MSH4: variants seen among roughly 807,000 people sequenced by gnomAD.
MSH4 encodes the protein mutS protein homolog 4.
In MSH4, 106 loss-of-function variants were observed where a neutral mutation model predicts 113.7. That is an observed-to-expected ratio of 0.93 (90% CI 0.80 to 1.10). MSH4 has a LOEUF of 1.10. Among genes scored for constraint, MSH4 ranks in the 50% least tolerant of loss-of-function variants. The pLI is 0.00. For synonymous variants in MSH4, 368 were observed against 380.2 expected (o/e 0.97, Z 0.37); for missense variants, 1,061 against 1,093.7 (o/e 0.97, Z 0.42).
chr1:75,878,590 G>T (rs1003190182), intron 11 of MSH4, among the ~76,000 whole-genome samples: 4 of 152,072 alleles, frequency 2.6e-5, no homozygotes, highest in African/African-American at 7.2e-5. Flanking sequence ...GATAGCTTGA[G>T]TCCAGGAGTT....
intron 9 of MSH4, among the ~76,000 whole-genome samples, chr1:75,874,496 A>G (rs575977213): frequency 2.6e-5 from 4 of 151,916 alleles, no homozygotes; most frequent in Non-Finnish European, 5.9e-5. Flanking sequence ...ATAATTTTTT[A>G]AAATTTTATA....
At chr1:75,821,782 GT>G (rs1431476432) in intron 6 of MSH4, among the ~76,000 whole-genome samples, 1 of 151,988 alleles carries the variant, frequency 6.6e-6, no homozygotes, top group Non-Finnish European at 1.5e-5. Context: ...TTAATTTTTA[GT>G]TTTTTGTAGA....
intron 8 of MSH4, among the ~76,000 whole-genome samples, chr1:75,864,720 A>G (rs776878752): frequency 6.6e-6 from 1 of 152,142 alleles, no homozygotes; most frequent in African/African-American, 2.4e-5. Flanking sequence ...CTTTTCACAT[A>G]TTAGATATAA....
chr1:75,881,718 G>A (rs745436360), intron 14 of MSH4, among the ~76,000 whole-genome samples: 30 of 151,940 alleles, frequency 2.0e-4, no homozygotes, highest in Non-Finnish European at 4.0e-4. Flanking sequence ...CGTGATAAAC[G>A]TTAATAGAGA....
chr1:75,875,037 C>T (rs1651787500), intron 9 of MSH4, among the ~76,000 whole-genome samples: 1 of 152,164 alleles, frequency 6.6e-6, no homozygotes, highest in South Asian at 2.1e-4. Flanking sequence ...GGACCACAGG[C>T]ACGCACCACC....
chr1:75,817,663 A>G (rs944340513), intron 6 of MSH4, among the ~76,000 whole-genome samples: 1 of 152,192 alleles, frequency 6.6e-6, no homozygotes, highest in Non-Finnish European at 1.5e-5. Context: ...TATTCTACGT[A>G]CTGAACTATC....
At chr1:75,809,376 T>C (rs937218083) in intron 3 of MSH4, among the ~76,000 whole-genome samples, 2 of 152,158 alleles carry the variant, frequency 1.3e-5, no homozygotes, top group African/African-American at 4.8e-5. Flanking sequence ...TTAATGATAC[T>C]AGTATTGCAT....
intron 8 of MSH4, among the ~76,000 whole-genome samples, chr1:75,859,121 A>G (rs1651393460): frequency 6.6e-6 from 1 of 152,120 alleles, no homozygotes; most frequent in Admixed American, 6.5e-5. Context: ...CCACTTTATC[A>G]TTTTTTATTG....
chr1:75,907,745 A>T, intron 19 of MSH4, among the ~76,000 whole-genome samples: 2 of 100,172 alleles, frequency 2.0e-5, no homozygotes, highest in South Asian at 2.8e-4. Flanking sequence ...GGCTGTCTTT[A>T]TTCCTTTCAT....
chr1:75,883,185 T>TTTTTA (rs1371554303), intron 14 of MSH4, among the ~76,000 whole-genome samples: 4 of 150,738 alleles, frequency 2.7e-5, no homozygotes, highest in Non-Finnish European at 5.9e-5. Context: ...TTTTTTTTTT[T>TTTTTA]TTGTAGAGAT....
chr1:75,904,985 T>C (rs1652590701), intron 19 of MSH4, among the ~76,000 whole-genome samples: 1 of 152,076 alleles, frequency 6.6e-6, no homozygotes, highest in South Asian at 2.1e-4. Context: ...TCTCTCTTTT[T>C]AGTTGGTCTA....
chr1:75,803,596 G>C (rs538159237), intron 1 of MSH4, 135 bp from the exon 2 acceptor site: 11 of 602,128 alleles, frequency 1.8e-5, no homozygotes, highest in Admixed American at 8.4e-5. Context: ...CAGCCTGGGC[G>C]ACAAGAGCAA....
chr1:75,885,978 ATATATGATGTATTATATAGCATGTATAG>A (rs1431948387), intron 15 of MSH4, among the ~76,000 whole-genome samples: 25 of 110,000 alleles, frequency 2.3e-4, no homozygotes, highest in Non-Finnish European at 3.9e-4. Context: ...CATGTATAGT[ATATATGATGTATTATATAGCATGTATAG>A]TATATATGAT....
Position 75,912,775 on chromosome 1 carries a change from G to T in MSH4, c.2699G>T (p.Arg900Leu). The T allele has an allele frequency of 6.3e-7, 1 of 1,594,994 alleles. No individual in the cohort carries two copies. The highest frequency in any genetic ancestry group is 1.8e-5 in the Admixed American group (1 of 57,076). Reference protein sequence around the residue: ...HLATRLVQTARNSQLDPDSLR... With the variant: ...HLATRLVQTALNSQLDPDSLR... ...GCCACTAGGCTTGTTCAAACTGCTC[G>T]AAACTCTCAATTGGATCCAGACAGT... The change falls in exon 20 of 20, where the codon CGA becomes CTA. Residue 900 changes from arginine (R) to leucine (L), a missense_variant. Physicochemically the swap from Arg to Leu is moderately radical, Grantham distance 102. Coordinates refer to ENST00000263187, the MANE Select transcript of MSH4 (RefSeq NM_002440.4).
At chr1:75,828,558 A>T (rs1650606423) in intron 7 of MSH4, among the ~76,000 whole-genome samples, 1 of 152,206 alleles carries the variant, frequency 6.6e-6, no homozygotes, top group South Asian at 2.1e-4. Flanking sequence ...ACGCAGAAAC[A>T]GAAAACCAAA....
At chr1:75,798,629 TCA>T (rs1299579794) in intron 1 of MSH4, among the ~76,000 whole-genome samples, 1 of 151,072 alleles carries the variant, frequency 6.6e-6, no homozygotes, top group Admixed American at 6.6e-5. Context: ...TGGTCATGAC[TCA>T]CTGCAGCCTC....
chr1:75,815,971 G>A (rs921829399), intron 5 of MSH4, among the ~76,000 whole-genome samples: 3 of 152,098 alleles, frequency 2.0e-5, no homozygotes, highest in African/African-American at 7.2e-5. Flanking sequence ...TCACACCACT[G>A]TACCCCAGCC....
At chr1:75,854,364 C>T (rs1651270191) in intron 8 of MSH4, among the ~76,000 whole-genome samples, 1 of 152,062 alleles carries the variant, frequency 6.6e-6, no homozygotes, top group African/African-American at 2.4e-5. Flanking sequence ...AACTGTCTTC[C>T]TATGCTGAAA....
intron 7 of MSH4, among the ~76,000 whole-genome samples, chr1:75,840,553 G>T (rs1387544698): frequency 6.9e-6 from 1 of 144,148 alleles, no homozygotes; most frequent in Non-Finnish European, 1.5e-5. Flanking sequence ...AGCTTTAGGA[G>T]ATATACCTAA....
Sources: allele counts gnomAD v4.1 joint callset (sites outside exome capture counted in the v4.1 genomes callset), GRCh38; gene constraint gnomAD v4.1.1; transcripts MANE v1.5; gene names NCBI Gene and HGNC (gene_info 2026-07-23, HGNC 2026-07-21).